The following TMLHE variants were observed in gnomAD, a reference collection of about 807,000 sequenced individuals.
The protein encoded by TMLHE is trimethyllysine hydroxylase, epsilon, also known as trimethyllysine dioxygenase, mitochondrial.
TMLHE carries 18 observed loss-of-function variants against 25.7 expected under a neutral mutation model. That is an observed-to-expected ratio of 0.70 (90% CI 0.48 to 1.04). TMLHE has a LOEUF of 1.04. TMLHE is among the 50% of genes least tolerant of loss of function. TMLHE has a pLI of 0.00. For synonymous variants in TMLHE, 105 were observed against 97.0 expected (o/e 1.08, Z -0.49); for missense variants, 236 against 259.0 (o/e 0.91, Z 0.61).
At chrX:155,511,426 C>CTCT (rs111265983) in intron 5 of TMLHE, among the ~76,000 whole-genome samples, 6 of 101,475 alleles carry the variant, frequency 5.9e-5, no homozygotes, top group Non-Finnish European at 1.2e-4. Flanking sequence ...TTAAATCTCT[C>CTCT]TTTTTTTTTT....
At chrX:155,548,691 T>TACTCTGGC (rs2067385815) in intron 1 of TMLHE, among the ~76,000 whole-genome samples, 1 of 105,801 alleles carries the variant, frequency 9.5e-6, no homozygotes, top group Non-Finnish European at 1.9e-5. Context: ...GCTGAGATTG[T>TACTCTGGC]GCCACTGCAC....
chrX:155,500,193 A>ACCC (rs2124309272), intron 6 of TMLHE, among the ~76,000 whole-genome samples: 2 of 61,053 alleles, frequency 3.3e-5, no homozygotes, highest in East Asian at 1.1e-3. Flanking sequence ...TGAACAGGCA[A>ACCC]CCTACAGAAT....
intron 2 of TMLHE, among the ~76,000 whole-genome samples, chrX:155,542,648 T>C (rs1364565030): frequency 1.8e-5 from 2 of 111,889 alleles, no homozygotes; most frequent in African/African-American, 3.2e-5. Context: ...ATAGTATTGA[T>C]GTATGAAAAA....
At chrX:155,546,639 T>C (rs2067346934) in intron 1 of TMLHE, among the ~76,000 whole-genome samples, 1 of 111,227 alleles carries the variant, frequency 9.0e-6, no homozygotes, top group African/African-American at 3.3e-5. Flanking sequence ...AGAGATATAA[T>C]AGAATTTACT....
At chrX:155,548,207 T>G (rs2067368328) in intron 1 of TMLHE, among the ~76,000 whole-genome samples, 1 of 111,809 alleles carries the variant, frequency 8.9e-6, no homozygotes, top group Admixed American at 9.5e-5. Context: ...GGAGTAAGAC[T>G]TCAAAAGCAC....
chrX:155,598,637 G>A (rs183881096), intron 1 of TMLHE, among the ~76,000 whole-genome samples: 191 of 109,312 alleles, frequency 1.7e-3, no homozygotes, highest in Middle Eastern at 4.8e-3. Flanking sequence ...CACCAACATG[G>A]CACATGTATA....
intron 2 of TMLHE, among the ~76,000 whole-genome samples, chrX:155,538,115 G>A (rs1312270374): frequency 2.7e-5 from 3 of 111,036 alleles, no homozygotes; most frequent in African/African-American, 9.8e-5. Context: ...TGACCAACAT[G>A]TCTCCATCTT....
At chrX:155,586,273 T>A (rs781888625) in intron 1 of TMLHE, among the ~76,000 whole-genome samples, 2 of 107,064 alleles carry the variant, frequency 1.9e-5, no homozygotes, top group Non-Finnish European at 3.8e-5. Flanking sequence ...AGCTCCTAGA[T>A]GGCATTGAGT....
At chrX:155,580,240 T>A (rs1213094772) in intron 1 of TMLHE, among the ~76,000 whole-genome samples, 1 of 111,517 alleles carries the variant, frequency 9.0e-6, no homozygotes, top group African/African-American at 3.3e-5. Flanking sequence ...TATGAAAAAA[T>A]GCTCAGCATC....
At chrX:155,590,813 T>C (rs782328147) in intron 1 of TMLHE, among the ~76,000 whole-genome samples, 13 of 111,262 alleles carry the variant, frequency 1.2e-4, no homozygotes, top group Non-Finnish European at 2.3e-4. Flanking sequence ...TATATGTAGA[T>C]GAAAAATAGT....
chrX:155,579,736 A>C (rs1485323770), intron 1 of TMLHE, among the ~76,000 whole-genome samples: 2 of 110,725 alleles, frequency 1.8e-5, no homozygotes, highest in African/African-American at 6.6e-5. Flanking sequence ...ATAGGACATC[A>C]TTTTCAATAA....
intron 1 of TMLHE, among the ~76,000 whole-genome samples, chrX:155,580,684 T>C (rs2067620807): frequency 9.0e-6 from 1 of 111,559 alleles, no homozygotes; most frequent in Non-Finnish European, 1.9e-5. Flanking sequence ...GAAAGACACA[T>C]CTCATGTGGC....
chrX:155,530,432 C>A (rs72616501), intron 2 of TMLHE, among the ~76,000 whole-genome samples: 1 of 29,292 alleles, frequency 3.4e-5, no homozygotes, highest in African/African-American at 7.2e-5. Flanking sequence ...GGGCATGAGG[C>A]TAAGGACACA....
intron 1 of TMLHE, among the ~76,000 whole-genome samples, chrX:155,551,352 C>A: frequency 1.5e-5 from 1 of 66,202 alleles, no homozygotes; most frequent in African/African-American, 6.4e-5. Flanking sequence ...TAATGCTATC[C>A]CTCCCCCCTC....
intron 1 of TMLHE, among the ~76,000 whole-genome samples, chrX:155,601,298 A>G (rs1177334589): frequency 5.3e-5 from 6 of 112,320 alleles, no homozygotes; most frequent in Non-Finnish European, 9.4e-5. Context: ...AAGTAAACAT[A>G]AAAGAGAAAA....
Position 155,573,445 on chromosome X carries a change from A to G in TMLHE, c.-1-28168T>C, listed in dbSNP as rs782330195. 4.6e-3 allele frequency among the ~76,000 whole-genome samples: 258 copies of G among 56,235 alleles called. 51 individuals are homozygous for G. Among genetic ancestry groups the G allele is most frequent in the African/African-American group, 0.01 (245 of 23,590 alleles). 48.8% of individuals were successfully genotyped at this position (56,235 alleles called of 115,157 possible). On this transcript the variant is annotated intron_variant, in intron 1 of 7. Transcript: ENST00000334398. ...TGTGGCGATTCCTCAGGGATCTAGA[A>G]CTAGAAATACCATTTGACCCAGCCA... is the stretch of plus-strand genomic sequence containing the variant.
chrX:155,548,482 T>C (rs896591317), intron 1 of TMLHE, among the ~76,000 whole-genome samples: 5 of 108,895 alleles, frequency 4.6e-5, no homozygotes, highest in East Asian at 5.8e-4. Context: ...ATGCCTGAAA[T>C]CCCAGCACTT....
intron 1 of TMLHE, among the ~76,000 whole-genome samples, chrX:155,558,044 G>T (rs1359050993): frequency 9.0e-6 from 1 of 111,494 alleles, no homozygotes; most frequent in African/African-American, 3.3e-5. Flanking sequence ...ATATGTCAGT[G>T]TGTCACTCCA....
At chrX:155,587,995 C>T (rs1446753798) in intron 1 of TMLHE, among the ~76,000 whole-genome samples, 1 of 111,801 alleles carries the variant, frequency 8.9e-6, no homozygotes, top group East Asian at 2.8e-4. Flanking sequence ...TTAGTGAAAA[C>T]AATCTTAAAA....
Sources: gnomAD v4.1 joint callset for allele counts (sites outside exome capture counted in the v4.1 genomes callset) on GRCh38, gnomAD v4.1.1 for gene constraint, MANE v1.5 for transcripts, NCBI Gene and HGNC (gene_info 2026-07-23, HGNC 2026-07-21) for gene names.